The following SLC27A3 variants were observed in gnomAD, a reference collection of about 807,000 sequenced individuals.
The protein encoded by SLC27A3 is long-chain fatty acid transport protein 3.
Under a neutral mutation model 60.1 loss-of-function variants are expected in SLC27A3, and 60 were observed. That is an observed-to-expected ratio of 1.00 (90% CI 0.81 to 1.24). The LOEUF is 1.24. Ranked by LOEUF, SLC27A3 falls within the 50% of genes most tolerant of loss-of-function variation. SLC27A3 has a pLI of 0.00. For missense variants in SLC27A3, 1,079 were observed against 929.9 expected, an observed-to-expected ratio of 1.16 and a Z score of -2.09; for synonymous variants, 455 against 409.0, an observed-to-expected ratio of 1.11 and a Z score of -1.36.
chr1:153,778,878 A>T lies in SLC27A3; in HGVS notation c.1639A>T (p.Thr547Ser). 6.2e-7 allele frequency: 1 copy of T among 1,613,990 alleles called. No individual in the cohort carries two copies. The highest frequency in any genetic ancestry group is 8.5e-7 in the Non-Finnish European group (1 of 1,179,868). ...CCGCTTCCATGATCGTACTGGAGAC[A>T]CCTTCAGGTATCTGTCCATAACTGG... ...FLRFHDRTGD[T>S]FRWKGENVAT... Residue 547 changes from threonine (T) to serine (S), a missense_variant, in exon 7 of 10, where the codon ACC (threonine) becomes TCC (serine). Transcript: ENST00000624995.
At chr1:153,777,599 G>T in intron 3 of SLC27A3, 162 bp from the exon 4 acceptor site, 1 of 897,974 alleles carries the variant, frequency 1.1e-6, no homozygotes, top group Non-Finnish European at 1.7e-6. Flanking sequence ...GGCCGGGGGA[G>T]GGGAAAGAGG....
rs142522769 is a variant in SLC27A3, at chr1:153,779,934, G to A, written c.1984G>A (p.Val662Ile). 2.5e-5 allele frequency: 40 copies of A among 1,614,012 alleles called. No individual in the cohort carries two copies. Among genetic ancestry groups the A allele is most frequent in the Non-Finnish European group, 3.0e-5 (35 of 1,180,038 alleles). The stretch of plus-strand genomic sequence containing the variant: ...CCCACTGTACGTTCTGGACCAGGCT[G>A]TAGGTGCCTACCTGCCCCTCACAAC... ...SDPLYVLDQA[V>I]GAYLPLTTAR... Residue 662 changes from valine (V) to isoleucine (I), a missense_variant, in exon 10 of 10, where the codon GTA becomes ATA. By Grantham distance (29) the Val-to-Ile change is conservative. Coordinates refer to ENST00000624995, the MANE Select transcript of SLC27A3 (RefSeq NM_024330.4).
chr1:153,779,912 A>T lies in SLC27A3; in HGVS notation c.1962A>T (p.Pro654=), dbSNP rs749867600. 1 of 1,613,840 alleles carries T rather than the reference A, an allele frequency of 6.2e-7. No homozygotes were observed. Among genetic ancestry groups the T allele is most frequent in the South Asian group, 1.1e-5 (1 of 91,062 alleles). The change falls in exon 10 of 10, where the codon CCA becomes CCT. Residue 654 remains proline (P), a synonymous_variant. Transcript: ENST00000624995. ...EGFDPSTLSD[P]LYVLDQAVGA... is the part of the protein sequence containing the mutation. ...TCGACCCCAGCACCCTGTCTGACCC[A>T]CTGTACGTTCTGGACCAGGCTGTAG...
rs1044237483 is a variant in SLC27A3 at position 153,777,328 on chromosome 1, A to G, written c.1036+108A>G. On this transcript the variant is annotated intron_variant, in intron 3 of 9. Coordinates refer to ENST00000624995, the MANE Select transcript of SLC27A3 (RefSeq NM_024330.4). ...AGATAATCTAGAGGACGGATGGGGC[A>G]GAGCCCTACTCACCAGGAGCTCTGT... is the stretch of plus-strand genomic sequence containing the variant. 7.4e-6 allele frequency: 10 copies of G among 1,349,712 alleles called. No homozygotes were observed. In the African/African-American group the frequency reaches 1.4e-4, roughly 19 times the overall value. The allele number at this position is 1,349,712 out of a possible 1,614,324, so 83.6% of individuals were successfully genotyped here. A position where few individuals can be genotyped will look rare whatever the true frequency, so the allele number is the denominator to read the frequency against.
intron 4 of SLC27A3, 59 bp downstream of exon 4, chr1:153,777,944 G>A (rs1673317280): frequency 1.9e-6 from 3 of 1,609,516 alleles, no homozygotes; most frequent in Non-Finnish European, 8.5e-7. Context: ...ACGGGGAGCA[G>A]GACAGTTGAC....
In SLC27A3 at chr1:153,780,038, C is replaced by A; in HGVS notation, c.*36C>A. On this transcript the variant is annotated 3_prime_UTR_variant, in exon 10 of 10. Coordinates refer to ENST00000624995, the MANE Select transcript of SLC27A3 (RefSeq NM_024330.4). ...ACCTGAGGCACCTGAGAGAGGAACTCTGTGGGGTGGGGGCCGTTGCAGGTG... is the reference window on the plus strand; with the variant it reads ...ACCTGAGGCACCTGAGAGAGGAACTATGTGGGGTGGGGGCCGTTGCAGGTG... The A allele has an allele frequency of 6.3e-7, 1 of 1,578,942 alleles. No individual in the cohort carries two copies. Among genetic ancestry groups the A allele is most frequent in the Non-Finnish European group, 8.6e-7 (1 of 1,159,494 alleles).
intron 1 of SLC27A3, 84 bp downstream of exon 1, chr1:153,776,248 T>C (rs1160682198): frequency 1.4e-6 from 2 of 1,414,396 alleles, no homozygotes; most frequent in Non-Finnish European, 1.8e-6. Flanking sequence ...CTTGGTCTCA[T>C]CCCTGGGCCT....
chr1:153,777,035 G>C (rs756379454), intron 2 of SLC27A3, 27 bp from the exon 3 acceptor site: 1 of 1,612,740 alleles, frequency 6.2e-7, no homozygotes, highest in South Asian at 1.1e-5. Context: ...CCCTTCCCCT[G>C]ATCGTCCCAT....
Position 153,775,904 on chromosome 1 carries a change from G to C in SLC27A3, c.407G>C (p.Gly136Ala). 6.8e-7 allele frequency: 1 copy of C among 1,474,810 alleles called. No individual in the cohort carries two copies. The highest frequency in any genetic ancestry group is 1.4e-5 in the South Asian group (1 of 72,692). The allele number at this position is 1,474,810 out of a possible 1,614,324, so 91.4% of individuals were successfully genotyped here. Residue 136 changes from glycine (G) to alanine (A), a missense_variant, in exon 1 of 10, where the codon GGA (glycine) becomes GCA (alanine). Gly to Ala is a moderately conservative substitution (Grantham distance 60). Coordinates refer to ENST00000624995, the MANE Select transcript of SLC27A3 (RefSeq NM_024330.4). ...SAGEGERAAP[G>A]AGDAAAGSGA... ...GGAGAAGGCGAGCGGGCAGCGCCGGGAGCCGGAGATGCAGCGGCCGGAAGC... is the reference window on the plus strand; with the variant it reads ...GGAGAAGGCGAGCGGGCAGCGCCGGCAGCCGGAGATGCAGCGGCCGGAAGC...
chr1:153,776,163 A>T lies in SLC27A3; in HGVS notation c.666A>T (p.Pro222=). 7.1e-7 allele frequency: 1 copy of T among 1,417,336 alleles called. No individual in the cohort carries two copies. The highest frequency in any genetic ancestry group is 9.1e-7 in the Non-Finnish European group (1 of 1,098,150). The allele number at this position is 1,417,336 out of a possible 1,614,324, so 87.8% of individuals were successfully genotyped here. A position where few individuals can be genotyped will look rare whatever the true frequency, so the allele number is the denominator to read the frequency against. Residue 222 remains proline (P), a splice_region_variant and synonymous_variant, in exon 1 of 10, where the codon CCA becomes CCT. Coordinates refer to ENST00000624995, the MANE Select transcript of SLC27A3 (RefSeq NM_024330.4). ...SCGARALVLA[P]EFLESLEPDL... is the part of the protein sequence containing the mutation. ...GCGCGCGCGCGCTGGTGCTGGCGCC[A>T]GGTAAGGCTGGAGCTCCGAACTGAC... is the stretch of plus-strand genomic sequence containing the variant.
chr1:153,778,134 C>A, intron 4 of SLC27A3, 27 bp from the exon 5 acceptor site: 1 of 1,584,172 alleles, frequency 6.3e-7, no homozygotes. Flanking sequence ...GATGCTGAAG[C>A]TCCGGCCCCT....
rs778411361 is a variant in SLC27A3 at position 153,778,473 on chromosome 1, C to T, written c.1367C>T (p.Pro456Leu). Residue 456 changes from proline to leucine, a missense_variant, in exon 6 of 10, where the codon CCC becomes CTC. Transcript: ENST00000624995. ...TCTCCCTTTCCCCAGCATATCTTCC[C>T]CTTCTCCTTGATTCGCTATGATGTC... ...RASWLYKHIF[P>L]FSLIRYDVTT... 10 of 1,614,084 alleles carry T rather than the reference C, an allele frequency of 6.2e-6. No individual in the cohort carries two copies. Among genetic ancestry groups the T allele is most frequent in the Non-Finnish European group, 5.1e-6 (6 of 1,180,034 alleles).
Position 153,778,318 on chromosome 1 carries a change from AGCGGGGCGCT to A in SLC27A3, c.1321_1330del (p.Arg441TrpfsTer16). ...GTGGCCACCATCAACTACACAGGAC[AGCGGGGCGCT>A]GTGGGGCGTGCTTCCTGGCTTTACA... is the stretch of plus-strand genomic sequence containing the variant. On this transcript the variant is annotated frameshift_variant, in exon 5 of 10. Coordinates refer to ENST00000624995, the MANE Select transcript of SLC27A3 (RefSeq NM_024330.4). LOFTEE classifies it high-confidence loss of function. The A allele has an allele frequency of 6.2e-7, 1 of 1,614,198 alleles. No homozygotes were observed. Among genetic ancestry groups the A allele is most frequent in the South Asian group, 1.1e-5 (1 of 91,090 alleles).
rs760395879 is a variant in SLC27A3, at chr1:153,775,561, C to T, written c.64C>T (p.Leu22Phe). 2.1e-5 allele frequency: 34 copies of T among 1,611,200 alleles called. No individual in the cohort carries two copies. Among genetic ancestry groups the T allele is most frequent in the African/African-American group, 4.0e-5 (3 of 74,922 alleles). Reference sequence around the variant, plus strand: ...ACCGCTGCTGCTGCTGAAGCTACACCTCTGGCCGCAGTTGCGCTGGCTTCC... The same window carrying T: ...ACCGCTGCTGCTGCTGAAGCTACACTTCTGGCCGCAGTTGCGCTGGCTTCC... ...LLPLLLLKLH[L>F]WPQLRWLPAD... Residue 22 changes from leucine to phenylalanine, a missense_variant, in exon 1 of 10, where the codon CTC becomes TTC. Leu to Phe is a conservative substitution (Grantham distance 22). Transcript: ENST00000624995.
At position 153,779,949 on chromosome 1, in the gene SLC27A3, C is replaced by T; in HGVS notation, c.1999C>T (p.Pro667Ser). Reference sequence around the variant, plus strand: ...GGACCAGGCTGTAGGTGCCTACCTGCCCCTCACAACTGCCCGGTACAGCGC... The same window carrying T: ...GGACCAGGCTGTAGGTGCCTACCTGTCCCTCACAACTGCCCGGTACAGCGC... Reference protein sequence around the residue: ...VLDQAVGAYLPLTTARYSALL... With the variant: ...VLDQAVGAYLSLTTARYSALL... The change falls in exon 10 of 10, where the codon CCC becomes TCC. Residue 667 changes from proline (P) to serine (S), a missense_variant. Pro to Ser is a moderately conservative substitution (Grantham distance 74, BLOSUM62 -1). Transcript: ENST00000624995. 1.2e-6 allele frequency: 2 copies of T among 1,614,146 alleles called. No homozygotes were observed. Among genetic ancestry groups the T allele is most frequent in the South Asian group, 1.1e-5 (1 of 91,076 alleles).
chr1:153,776,930 A>G, intron 2 of SLC27A3, 132 bp from the exon 3 acceptor site: 4 of 1,077,684 alleles, frequency 3.7e-6, no homozygotes, highest in Non-Finnish European at 5.4e-6. Flanking sequence ...TTTCCAGGAC[A>G]GCCTGGTCTC....
chr1:153,778,748 C>G lies in SLC27A3; in HGVS notation c.1509C>G (p.Gly503=). ...SQQSPFLGYA[G]GPELAQGKLL... Reference sequence around the variant, plus strand: ...AGTCCCCATTCCTGGGCTATGCTGGCGGGCCAGAGCTGGCCCAGGGGAAGT... The same window carrying G: ...AGTCCCCATTCCTGGGCTATGCTGGGGGGCCAGAGCTGGCCCAGGGGAAGT... Residue 503 remains glycine (G), a synonymous_variant, in exon 7 of 10, where the codon GGC becomes GGG. Coordinates refer to ENST00000624995, the MANE Select transcript of SLC27A3 (RefSeq NM_024330.4). 2 of 1,613,792 alleles carry G rather than the reference C, an allele frequency of 1.2e-6. No homozygotes were observed. The highest frequency in any genetic ancestry group is 1.7e-6 in the Non-Finnish European group (2 of 1,179,996).
At chr1:153,777,002 A>AGAT in intron 2 of SLC27A3, 60 bp from the exon 3 acceptor site, 2 of 1,576,178 alleles carry the variant, frequency 1.3e-6, no homozygotes, top group Non-Finnish European at 1.7e-6. Flanking sequence ...GGGTGCAAAC[A>AGAT]GATAGGTAGA....
chr1:153,776,079 T>C lies in SLC27A3; in HGVS notation c.582T>C (p.Thr194=). 1 of 1,479,322 alleles carries C rather than the reference T, an allele frequency of 6.8e-7. No individual in the cohort carries two copies. Among genetic ancestry groups the C allele is most frequent in the Non-Finnish European group, 8.9e-7 (1 of 1,127,786 alleles). 91.6% of individuals were successfully genotyped at this position (1,479,322 alleles called of 1,614,324 possible). Reference sequence around the variant, plus strand: ...GGCTGGCCAAGGCCGGCCTGCGCACTGCCTTTGTGCCCACCGCCCTGCGCC... The same window carrying C: ...GGCTGGCCAAGGCCGGCCTGCGCACCGCCTTTGTGCCCACCGCCCTGCGCC... The part of the protein sequence containing the change: ...WFGLAKAGLR[T]AFVPTALRRG... Residue 194 remains threonine, a synonymous_variant, in exon 1 of 10, where the codon ACT becomes ACC. Coordinates refer to ENST00000624995, the MANE Select transcript of SLC27A3 (RefSeq NM_024330.4).
Sources: gnomAD v4.1 joint callset for allele counts on GRCh38, gnomAD v4.1.1 for gene constraint, MANE v1.5 for transcripts, NCBI Gene and HGNC (gene_info 2026-07-23, HGNC 2026-07-21) for gene names.